CACNB2: variants seen among roughly 807,000 people sequenced by gnomAD.
The protein encoded by CACNB2 is calcium voltage-gated channel auxiliary subunit beta 2, also known as voltage-dependent L-type calcium channel subunit beta-2.
Under a neutral mutation model 73.3 loss-of-function variants are expected in CACNB2, and 42 were observed. That is an observed-to-expected ratio of 0.57 (90% CI 0.45 to 0.74). CACNB2 has a LOEUF of 0.74. CACNB2 is among the 30% of genes least tolerant of loss of function. CACNB2 has a pLI of 0.00. For synonymous variants in CACNB2, 348 were observed against 310.3 expected, an observed-to-expected ratio of 1.12 and a Z score of -1.28; for missense variants, 940 against 853.0, an observed-to-expected ratio of 1.10 and a Z score of -1.27.
intron 2 of CACNB2, among the ~76,000 whole-genome samples, chr10:18,154,590 C>A (rs999294670): frequency 6.6e-6 from 1 of 152,128 alleles, no homozygotes; most frequent in African/African-American, 2.4e-5. Flanking sequence ...GCCTCAGCCT[C>A]CCCAGTAGCT....
intron 3 of CACNB2, among the ~76,000 whole-genome samples, chr10:18,408,064 G>C (rs2132595977): frequency 6.6e-6 from 1 of 152,238 alleles, no homozygotes; most frequent in South Asian, 2.1e-4. Context: ...TGAAGATTAT[G>C]AAGTGGAAGC....
At chr10:18,489,088 C>T (rs1396498355) in intron 3 of CACNB2, among the ~76,000 whole-genome samples, 2 of 151,776 alleles carry the variant, frequency 1.3e-5, no homozygotes, top group Admixed American at 6.6e-5. Flanking sequence ...CCGAGGTGGG[C>T]GGATCATGAT....
chr10:18,256,138 C>A (rs967510762), intron 2 of CACNB2, among the ~76,000 whole-genome samples: 2 of 151,972 alleles, frequency 1.3e-5, no homozygotes, highest in African/African-American at 4.8e-5. Flanking sequence ...TGTCATTGAG[C>A]CTCTTCTTAA....
intron 2 of CACNB2, among the ~76,000 whole-genome samples, chr10:18,352,725 C>A (rs1423834885): frequency 1.3e-5 from 2 of 152,180 alleles, no homozygotes; most frequent in African/African-American, 4.8e-5. Flanking sequence ...TGCTTCGTAG[C>A]ATTTCATAGT....
chr10:18,370,285 A>C (rs61839222), intron 2 of CACNB2, among the ~76,000 whole-genome samples: 44,354 of 151,880 alleles, frequency 0.29, 6,902 homozygotes, highest in East Asian at 0.67. Flanking sequence ...AGTCTCAGAA[A>C]CCACATCTTT....
chr10:18,359,535 A>T (rs1356580631), intron 2 of CACNB2, among the ~76,000 whole-genome samples: 1 of 152,106 alleles, frequency 6.6e-6, no homozygotes, highest in Non-Finnish European at 1.5e-5. Context: ...TGGCCTCCCA[A>T]AGTGTTAGGA....
At chr10:18,299,306 C>T (rs2039411905) in intron 2 of CACNB2, among the ~76,000 whole-genome samples, 1 of 151,894 alleles carries the variant, frequency 6.6e-6, no homozygotes, top group African/African-American at 2.4e-5. Context: ...TAACAGAGTA[C>T]GGGTGGATGA....
intron 12 of CACNB2, 137 bp downstream of exon 12, chr10:18,536,333 A>T: frequency 1.7e-6 from 1 of 584,340 alleles, no homozygotes; most frequent in Non-Finnish European, 2.9e-6. Flanking sequence ...GTCTTAGCTC[A>T]CTGCAGCCCT....
intron 2 of CACNB2, among the ~76,000 whole-genome samples, chr10:18,219,832 C>T (rs1414625562): frequency 6.6e-6 from 1 of 150,516 alleles, no homozygotes; most frequent in Non-Finnish European, 1.5e-5. Flanking sequence ...TGCTGAGGCA[C>T]AGTCTCAGCT....
chr10:18,365,591 C>T (rs1458365873), intron 2 of CACNB2, among the ~76,000 whole-genome samples: 1 of 152,058 alleles, frequency 6.6e-6, no homozygotes, highest in African/African-American at 2.4e-5. Flanking sequence ...GGGCAGAAAT[C>T]CTGTCCTTGT....
intron 2 of CACNB2, among the ~76,000 whole-genome samples, chr10:18,377,160 T>A (rs1361029933): frequency 2.0e-5 from 3 of 152,174 alleles, no homozygotes; most frequent in African/African-American, 7.2e-5. Context: ...AACCACCCGT[T>A]CTAAGATACC....
At chr10:18,362,083 C>A (rs1196463887) in intron 2 of CACNB2, among the ~76,000 whole-genome samples, 1 of 152,214 alleles carries the variant, frequency 6.6e-6, no homozygotes. Context: ...CCTGCCTCAG[C>A]TTCCCAATGG....
intron 2 of CACNB2, among the ~76,000 whole-genome samples, chr10:18,228,620 G>T (rs1298470735): frequency 6.6e-6 from 1 of 152,148 alleles, no homozygotes; most frequent in Non-Finnish European, 1.5e-5. Context: ...TCTTGTACAA[G>T]TTAGTGTCGG....
chr10:18,216,313 A>G (rs1016745743), intron 2 of CACNB2, among the ~76,000 whole-genome samples: 6 of 151,268 alleles, frequency 4.0e-5, no homozygotes, highest in African/African-American at 1.5e-4. Flanking sequence ...TAGCAATAAT[A>G]AATAATAAAA....
intron 2 of CACNB2, among the ~76,000 whole-genome samples, chr10:18,170,194 C>G (rs2033131496): frequency 6.6e-6 from 1 of 152,166 alleles, no homozygotes; most frequent in South Asian, 2.1e-4. Context: ...CCACACAAGG[C>G]TAAGAATGAG....
intron 2 of CACNB2, among the ~76,000 whole-genome samples, chr10:18,270,867 T>C (rs1321474742): frequency 6.6e-6 from 1 of 152,232 alleles, no homozygotes; most frequent in East Asian, 1.9e-4. Flanking sequence ...GCCTGGCCTC[T>C]GACAGACACT....
intron 2 of CACNB2, among the ~76,000 whole-genome samples, chr10:18,363,313 C>T (rs2042217461): frequency 6.6e-6 from 1 of 152,152 alleles, no homozygotes; most frequent in African/African-American, 2.4e-5. Context: ...AGACATAACA[C>T]CTATGGTTTC....
intron 2 of CACNB2, among the ~76,000 whole-genome samples, chr10:18,310,629 G>GT (rs1491161138): frequency 1.0e-5 from 1 of 95,434 alleles, no homozygotes; most frequent in Non-Finnish European, 2.1e-5. Context: ...AAAAAAAAAA[G>GT]TAAAAAAAAA....
rs982811357 is a variant in CACNB2 at position 18,539,458 on chromosome 10, G to T, written c.1717G>T (p.Asp573Tyr). The change falls in exon 14 of 14, where the codon GAT becomes TAT. Residue 573 changes from aspartate (D) to tyrosine (Y), a missense_variant. Physicochemically the swap from Asp to Tyr is radical, Grantham distance 160. Transcript: ENST00000324631. ...CTCTGCCTACGTAGAGCCAAAGGAA[G>T]ATTATTCCCATGACCACGTGGACCA... Reference protein sequence around the residue: ...RDSAYVEPKEDYSHDHVDHYA... With the variant: ...RDSAYVEPKEYYSHDHVDHYA... The T allele has an allele frequency of 2.5e-6, 4 of 1,613,938 alleles. No homozygotes were observed. The highest frequency in any genetic ancestry group is 1.3e-5 in the African/African-American group (1 of 74,902).
Sources: gnomAD v4.1 joint callset for allele counts (sites outside exome capture counted in the v4.1 genomes callset) on GRCh38, gnomAD v4.1.1 for gene constraint, MANE v1.5 for transcripts, NCBI Gene and HGNC (gene_info 2026-07-23, HGNC 2026-07-21) for gene names.